B4GALT6: variants seen among roughly 807,000 people sequenced by gnomAD.
B4GALT6 encodes UDP-Gal:beta-GlcNAc beta-1,4-galactosyltransferase 6.
Under a neutral mutation model 46.3 loss-of-function variants are expected in B4GALT6, and 14 were observed. The ratio of observed to expected loss-of-function variants is 0.30; its 90% CI spans 0.20 to 0.47. The LOEUF (loss-of-function observed/expected upper bound fraction) is 0.47. B4GALT6 is among the 20% of genes least tolerant of loss of function. The pLI is 0.99. For synonymous variants in B4GALT6, 168 were observed against 162.0 expected (o/e 1.04, Z -0.28); for missense variants, 386 against 480.1 (o/e 0.80, Z 1.83).
Position 31,630,951 on chromosome 18 carries a change from C to T in B4GALT6, c.776+8G>A. Reference sequence around the variant, plus strand: ...CGTACAATATCAGGAATAGTGCACACTACTTACATATACATGTATTTATCC... The same window carrying T: ...CGTACAATATCAGGAATAGTGCACATTACTTACATATACATGTATTTATCC... On this transcript the variant is annotated splice_region_variant and intron_variant, in intron 6 of 8. Transcript: ENST00000306851. The T allele has an allele frequency of 1.9e-6, 3 of 1,613,816 alleles. No individual in the cohort carries two copies. Among genetic ancestry groups the T allele is most frequent in the Non-Finnish European group, 2.5e-6 (3 of 1,179,700 alleles).
the B4GALT6 span, among the ~76,000 whole-genome samples, chr18:31,710,853 A>C: frequency 2.2e-4 from 6 of 27,620 alleles, no homozygotes; most frequent in African/African-American, 5.4e-4. Flanking sequence ...CACACACTAT[A>C]ATCCTCAAAT....
intron 3 of B4GALT6, among the ~76,000 whole-genome samples, chr18:31,655,080 AC>A (rs2074121295): frequency 6.6e-6 from 1 of 152,134 alleles, no homozygotes; most frequent in Non-Finnish European, 1.5e-5. Context: ...TCCTTACCAC[AC>A]TCTGCAGATG....
At chr18:31,701,513 AT>A in the B4GALT6 span, among the ~76,000 whole-genome samples, 3 of 152,132 alleles carry the variant, frequency 2.0e-5, no homozygotes, top group African/African-American at 7.2e-5. Flanking sequence ...TAAAAGTGGC[AT>A]TTTTTTCAAG....
At chr18:31,642,701 T>C (rs375037962) in intron 4 of B4GALT6, among the ~76,000 whole-genome samples, 2 of 152,212 alleles carry the variant, frequency 1.3e-5, no homozygotes, top group Non-Finnish European at 2.9e-5. Flanking sequence ...AAATTACTAG[T>C]GGTTTTTTGT....
chr18:31,712,482 T>C, the B4GALT6 span, among the ~76,000 whole-genome samples: 1 of 151,918 alleles, frequency 6.6e-6, no homozygotes, highest in South Asian at 2.1e-4. Flanking sequence ...TTTGTATTTT[T>C]AGTAGAGAGG....
intron 3 of B4GALT6, among the ~76,000 whole-genome samples, chr18:31,647,057 CA>C (rs1173354154): frequency 2.0e-5 from 3 of 152,288 alleles, no homozygotes; most frequent in Admixed American, 6.5e-5. Flanking sequence ...GATCAGTAAA[CA>C]TAAGTACAGA....
At chr18:31,696,070 G>A in the B4GALT6 span, among the ~76,000 whole-genome samples, 2 of 152,014 alleles carry the variant, frequency 1.3e-5, no homozygotes, top group Non-Finnish European at 2.9e-5. Context: ...ACAATCCCTG[G>A]GAAACATGGA....
intron 1 of B4GALT6, among the ~76,000 whole-genome samples, chr18:31,666,825 A>G (rs2144687642): frequency 6.6e-6 from 1 of 152,264 alleles, no homozygotes; most frequent in African/African-American, 2.4e-5. Context: ...AGGAATAAAG[A>G]TCTTGCAATG....
At chr18:31,643,900 C>T (rs1185845987) in intron 4 of B4GALT6, among the ~76,000 whole-genome samples, 1 of 152,162 alleles carries the variant, frequency 6.6e-6, no homozygotes, top group Non-Finnish European at 1.5e-5. Flanking sequence ...CATGCTATCC[C>T]ACAGCCTCGG....
chr18:31,719,738 G>A, the B4GALT6 span, among the ~76,000 whole-genome samples: 1 of 152,148 alleles, frequency 6.6e-6, no homozygotes, highest in African/African-American at 2.4e-5. Context: ...CGTTTGATCA[G>A]GTAGGAGATG....
In B4GALT6 at chr18:31,665,043, A is replaced by G. The variant is rs148259073; in HGVS notation, c.232+1213T>C. 1.9e-3 allele frequency among the ~76,000 whole-genome samples: 297 copies of G among 152,364 alleles called. 3 individuals carry two copies. Among genetic ancestry groups the G allele is most frequent in the African/African-American group, 6.9e-3 (287 of 41,594 alleles). On this transcript the variant is annotated intron_variant, in intron 2 of 8. Coordinates refer to ENST00000306851, the MANE Select transcript of B4GALT6 (RefSeq NM_004775.5). ...TATTAAATTGAGATCAATATGTCAC[A>G]GTCTTGAATTTTTAGAAGGGTCTAA...
the B4GALT6 span, among the ~76,000 whole-genome samples, chr18:31,716,640 C>T: frequency 6.6e-6 from 1 of 152,104 alleles, no homozygotes; most frequent in Non-Finnish European, 1.5e-5. Flanking sequence ...CTAGCCTGCC[C>T]CACTTGAATG....
At chr18:31,682,718 A>C (rs2144755057) in intron 1 of B4GALT6, among the ~76,000 whole-genome samples, 1 of 152,322 alleles carries the variant, frequency 6.6e-6, no homozygotes, top group South Asian at 2.1e-4. Flanking sequence ...ATTGTTATGT[A>C]AGTGTGAAAA....
chr18:31,677,202 G>C (rs1291242028), intron 1 of B4GALT6, among the ~76,000 whole-genome samples: 2 of 152,112 alleles, frequency 1.3e-5, no homozygotes, highest in Non-Finnish European at 2.9e-5. Flanking sequence ...ATTAAGATTT[G>C]AAATTACTAA....
chr18:31,687,853 C>T (rs533914087), upstream of B4GALT6, among the ~76,000 whole-genome samples: 8 of 152,194 alleles, frequency 5.3e-5, no homozygotes, highest in African/African-American at 1.7e-4. Flanking sequence ...GAAAAATGTA[C>T]TTGTTAATGA....
chr18:31,651,918 C>A (rs922928894), intron 3 of B4GALT6, among the ~76,000 whole-genome samples: 6 of 152,094 alleles, frequency 3.9e-5, no homozygotes, highest in Admixed American at 3.9e-4. Context: ...CTTCAGGCGC[C>A]CGCCACCACG....
At chr18:31,719,965 T>A in the B4GALT6 span, among the ~76,000 whole-genome samples, 2 of 152,232 alleles carry the variant, frequency 1.3e-5, no homozygotes, top group Non-Finnish European at 2.9e-5. Context: ...AGCCAGAGGC[T>A]GCATGACTCC....
At chr18:31,639,857 C>T (rs996807579) in intron 4 of B4GALT6, among the ~76,000 whole-genome samples, 2 of 152,108 alleles carry the variant, frequency 1.3e-5, no homozygotes, top group African/African-American at 4.8e-5. Context: ...AATGAATGAT[C>T]ATCAATCATC....
the B4GALT6 span, among the ~76,000 whole-genome samples, chr18:31,706,597 C>T: frequency 2.6e-5 from 4 of 152,076 alleles, no homozygotes; most frequent in Non-Finnish European, 5.9e-5. Context: ...CGCCACTGCA[C>T]TCCTCCAGCC....
Sources: gnomAD v4.1 joint callset for allele counts (sites outside exome capture counted in the v4.1 genomes callset) on GRCh38, gnomAD v4.1.1 for gene constraint, MANE v1.5 for transcripts, NCBI Gene and HGNC (gene_info 2026-07-23, HGNC 2026-07-21) for gene names.